EML1: variants seen among roughly 807,000 people sequenced by gnomAD.
The protein encoded by EML1 is echinoderm microtubule-associated protein-like 1.
EML1 carries 27 observed loss-of-function variants against 110.4 expected under a neutral mutation model. The ratio of observed to expected loss-of-function variants is 0.24; its 90% CI spans 0.18 to 0.34. The LOEUF (loss-of-function observed/expected upper bound fraction) is 0.34. EML1 is among the 10% of genes least tolerant of loss of function. The probability of loss-of-function intolerance (pLI) is 1.00; values close to 1 mark genes in which losing one functional copy is unlikely to be tolerated. For synonymous variants in EML1, 344 were observed against 385.8 expected, an observed-to-expected ratio of 0.89 and a Z score of 1.27; for missense variants, 741 against 1,030.9, an observed-to-expected ratio of 0.72 and a Z score of 3.85.
intron 1 of EML1, among the ~76,000 whole-genome samples, chr14:99,738,405 G>T (rs896281013): frequency 1.3e-5 from 2 of 152,216 alleles, no homozygotes; most frequent in African/African-American, 4.8e-5. Context: ...CAGATTCTGG[G>T]GTCTGCCCAC....
chr14:99,894,548 A>G, intron 5 of EML1, 81 bp from the exon 6 acceptor site: 2 of 1,434,936 alleles, frequency 1.4e-6, no homozygotes, highest in Non-Finnish European at 1.8e-6. Context: ...TTTATACTGA[A>G]AGGCTAGAGA....
chr14:99,808,426 T>A (rs1382781381), intron 1 of EML1, among the ~76,000 whole-genome samples: 3 of 152,182 alleles, frequency 2.0e-5, no homozygotes, highest in African/African-American at 7.2e-5. Context: ...CATTTCTTCA[T>A]TGTGTACGGT....
chr14:99,803,029 C>T (rs1666372233), intron 1 of EML1, among the ~76,000 whole-genome samples: 1 of 152,108 alleles, frequency 6.6e-6, no homozygotes, highest in Non-Finnish European at 1.5e-5. Context: ...CCTCTGTCAT[C>T]ATGATTATCC....
At chr14:99,815,914 G>T (rs2058159493) in intron 1 of EML1, among the ~76,000 whole-genome samples, 1 of 152,158 alleles carries the variant, frequency 6.6e-6, no homozygotes, top group African/African-American at 2.4e-5. Context: ...TCTGACAGGG[G>T]TAAGAATCTG....
chr14:99,792,568 T>C (rs1008208861), upstream of EML1: 1 of 152,264 alleles, frequency 6.6e-6, no homozygotes, highest in Non-Finnish European at 1.5e-5. Flanking sequence ...CTCCTAACTC[T>C]TGGTGTCTTT....
intron 1 of EML1, among the ~76,000 whole-genome samples, chr14:99,783,837 C>G (rs895181901): frequency 2.0e-5 from 3 of 152,178 alleles, no homozygotes; most frequent in Non-Finnish European, 4.4e-5. Context: ...CTGGCTGTCC[C>G]AGGCCTTCTG....
chr14:99,932,934 A>C (rs1449969327), intron 17 of EML1, among the ~76,000 whole-genome samples: 2 of 152,116 alleles, frequency 1.3e-5, no homozygotes, highest in Non-Finnish European at 2.9e-5. Flanking sequence ...TGGGCAACAT[A>C]GTGAGACCCC....
intron 1 of EML1, among the ~76,000 whole-genome samples, chr14:99,807,543 C>T (rs2057999519): frequency 6.6e-6 from 1 of 152,174 alleles, no homozygotes; most frequent in Non-Finnish European, 1.5e-5. Context: ...CCACCCTAGG[C>T]CTGAAGGGGC....
intron 1 of EML1, among the ~76,000 whole-genome samples, chr14:99,750,523 T>C (rs1251058175): frequency 6.6e-6 from 1 of 152,180 alleles, no homozygotes; most frequent in Non-Finnish European, 1.5e-5. Flanking sequence ...TCAGATAACC[T>C]CTCTGGGCCT....
At chr14:99,818,827 A>G (rs1051376559) in intron 1 of EML1, among the ~76,000 whole-genome samples, 2 of 152,086 alleles carry the variant, frequency 1.3e-5, no homozygotes, top group Non-Finnish European at 2.9e-5. Flanking sequence ...GAGGAGGGAA[A>G]CCTGAGGCCT....
upstream of EML1, among the ~76,000 whole-genome samples, chr14:99,771,508 G>C (rs922802732): frequency 2.0e-5 from 3 of 152,038 alleles, no homozygotes; most frequent in African/African-American, 7.2e-5. Flanking sequence ...CATTTTTTTG[G>C]CTATTACAAA....
chr14:99,865,056 T>C (rs2059072135), intron 2 of EML1, among the ~76,000 whole-genome samples: 1 of 152,166 alleles, frequency 6.6e-6, no homozygotes, highest in South Asian at 2.1e-4. Context: ...GTGTACCTTC[T>C]TTCTTATTAT....
chr14:99,834,098 CTGAG>C (rs143460046), intron 1 of EML1, among the ~76,000 whole-genome samples: 36,742 of 151,876 alleles, frequency 0.24, 4,804 homozygotes, highest in Non-Finnish European at 0.29. Flanking sequence ...TCCTAGTTCA[CTGAG>C]TGTTTATCAG....
intron 1 of EML1, among the ~76,000 whole-genome samples, chr14:99,818,145 G>A (rs1247512983): frequency 3.9e-5 from 6 of 152,136 alleles, no homozygotes; most frequent in African/African-American, 1.4e-4. Flanking sequence ...GGGGGCCAAA[G>A]AAGTATCTGG....
At chr14:99,938,089 C>G (rs532787148) in intron 20 of EML1, among the ~76,000 whole-genome samples, 177 bp downstream of exon 20, 1 of 152,182 alleles carries the variant, frequency 6.6e-6, no homozygotes, top group East Asian at 1.9e-4. Flanking sequence ...CTTGCCTGGC[C>G]GTGGCCCACT....
chr14:99,920,670 A>G, intron 16 of EML1, 119 bp from the exon 17 acceptor site: 1 of 783,062 alleles, frequency 1.3e-6, no homozygotes, highest in Admixed American at 3.3e-5. Context: ...TTTCTTATTA[A>G]GCAAATTCTG....
chr14:99,826,954 A>G (rs1415773315), intron 1 of EML1, among the ~76,000 whole-genome samples: 1 of 152,210 alleles, frequency 6.6e-6, no homozygotes, highest in East Asian at 1.9e-4. Flanking sequence ...TTTGAGGCAG[A>G]GAGTGTCAGT....
intron 1 of EML1, among the ~76,000 whole-genome samples, chr14:99,800,306 C>T (rs1225980127): frequency 6.6e-6 from 1 of 151,776 alleles, no homozygotes; most frequent in Admixed American, 6.6e-5. Context: ...TAAGAAATAC[C>T]TCTTCAGAAG....
At chr14:99,837,061 T>TA (rs1165867166) in intron 1 of EML1, among the ~76,000 whole-genome samples, 1 of 151,426 alleles carries the variant, frequency 6.6e-6, no homozygotes, top group Non-Finnish European at 1.5e-5. Context: ...TGCTGATAAG[T>TA]ACTCACCAGA....
Sources: gnomAD v4.1 joint callset for allele counts (sites outside exome capture counted in the v4.1 genomes callset) on GRCh38, gnomAD v4.1.1 for gene constraint, MANE v1.5 for transcripts, NCBI Gene and HGNC (gene_info 2026-07-23, HGNC 2026-07-21) for gene names.